Variants in OCM2 observed in about 807,000 individuals in gnomAD.
The protein encoded by OCM2 is oncomodulin-2.
A neutral mutation model predicts 13.6 loss-of-function variants in OCM2; 6 were observed. That is an observed-to-expected ratio of 0.44 (90% CI 0.24 to 0.87). The LOEUF (loss-of-function observed/expected upper bound fraction) is 0.87, where lower values mean the gene tolerates loss of function less well. Among genes scored for constraint, OCM2 ranks in the 40% least tolerant of loss-of-function variants. OCM2 has a pLI of 0.22. For missense variants in OCM2, 118 were observed against 136.8 expected (o/e 0.86, Z 0.68); for synonymous variants, 40 against 50.7 (o/e 0.79, Z 0.90).
At chr7:97,990,138 G>A (rs780846926) in exon 1 of OCM2, 50 of 1,604,032 alleles carry the variant, frequency 3.1e-5, no homozygotes, top group Middle Eastern at 1.7e-4. Flanking sequence ...AACGAGAGGC[G>A]ATAAGCCACA....
At chr7:97,990,015 A>AGGG in intron 1 of OCM2, 29 bp downstream of exon 1, 19 of 780,782 alleles carry the variant, frequency 2.4e-5, no homozygotes, top group Non-Finnish European at 3.9e-5. Context: ...CTGTGAGGAA[A>AGGG]TCCCACCCCC....
chr7:97,988,831 G>A (rs10248044), intron 1 of OCM2, among the ~76,000 whole-genome samples: 14,310 of 151,872 alleles, frequency 0.094, 734 homozygotes, highest in South Asian at 0.14. Flanking sequence ...CCACTTTACA[G>A]GCTGTGTGGC....
chr7:97,985,784 T>C (rs1264389130), intron 3 of OCM2, among the ~76,000 whole-genome samples: 2 of 152,210 alleles, frequency 1.3e-5, no homozygotes, highest in African/African-American at 4.8e-5. Context: ...AAAGTTTCTG[T>C]TACTAAAAGA....
rs1347177083 is a variant in OCM2, at chr7:97,987,103, G to T, written c.248C>A (p.Thr83Asn). 6 of 1,613,750 alleles carry T rather than the reference G, an allele frequency of 3.7e-6. No individual in the cohort carries two copies. The African/African-American group carries it at 8.0e-5, about 22-fold the overall frequency. ...ATCCGCCGCAGCCATCAAGGACTTG[G>T]TTTCTGACTCGGTCAGTTCTCTGGC... The change falls in exon 3 of 4, where the codon ACC becomes AAC. Residue 83 changes from threonine (T) to asparagine (N), a missense_variant. Thr to Asn is a moderately conservative substitution (Grantham distance 65). Transcript: ENST00000257627.
exon 1 of OCM2, chr7:97,990,103 A>G: frequency 1.9e-6 from 3 of 1,610,516 alleles, no homozygotes; most frequent in South Asian, 1.1e-5. Context: ...CGTGATGCTC[A>G]TTTTCTACCT....
intron 2 of OCM2, among the ~76,000 whole-genome samples, chr7:97,987,619 G>T (rs1758714409): frequency 6.6e-6 from 1 of 152,028 alleles, no homozygotes; most frequent in South Asian, 2.1e-4. Context: ...CTCCCAAAGG[G>T]CTGGGATTGT....
intron 3 of OCM2, among the ~76,000 whole-genome samples, chr7:97,985,398 G>A (rs1472462200): frequency 1.3e-4 from 17 of 135,154 alleles, no homozygotes; most frequent in African/African-American, 3.9e-4. Context: ...TAGCCTGGGC[G>A]AGAGAGCCAG....
intron 1 of OCM2, 25 bp downstream of exon 1, chr7:97,990,013 AAATCCC>A: frequency 4.0e-6 from 6 of 1,505,134 alleles, no homozygotes; most frequent in Non-Finnish European, 5.5e-6. Flanking sequence ...AGCTGTGAGG[AAATCCC>A]ACCCCCGCCC....
intron 2 of OCM2, among the ~76,000 whole-genome samples, chr7:97,988,008 T>C (rs1306657314): frequency 2.0e-5 from 3 of 152,004 alleles, no homozygotes; most frequent in Admixed American, 6.6e-5. Flanking sequence ...CCTGGCAACA[T>C]GGTGAAACCC....
chr7:97,989,586 G>A (rs1052843582), intron 1 of OCM2, among the ~76,000 whole-genome samples: 1 of 151,738 alleles, frequency 6.6e-6, no homozygotes, highest in African/African-American at 2.4e-5. Context: ...TTATTGTTAT[G>A]TTGTAGAGAT....
intron 1 of OCM2, 28 bp downstream of exon 1, chr7:97,990,016 T>TGGCGCCCC: frequency 4.9e-5 from 53 of 1,083,816 alleles, no homozygotes; most frequent in Non-Finnish European, 6.7e-5. Context: ...TGTGAGGAAA[T>TGGCGCCCC]CCCACCCCCG....
chr7:97,984,967 C>A (rs764484085), exon 4 of OCM2: 1 of 1,614,072 alleles, frequency 6.2e-7, no homozygotes, highest in Non-Finnish European at 8.5e-7. Flanking sequence ...TTTAAGAATG[C>A]ACCATTTCCT....
intron 1 of OCM2, among the ~76,000 whole-genome samples, chr7:97,989,824 A>AT (rs1794714252): frequency 6.6e-6 from 1 of 150,974 alleles, no homozygotes; most frequent in Non-Finnish European, 1.5e-5. Flanking sequence ...CGCCTGGCTA[A>AT]TTTTTTTGTA....
chr7:97,984,929 TTCTC>T lies in OCM2; in HGVS notation c.*25_*28del, dbSNP rs1794655156. 16 of 1,604,514 alleles carry T rather than the reference TTCTC, an allele frequency of 1.0e-5. No individual in the cohort carries two copies. In the East Asian group the frequency reaches 3.3e-4, roughly 34 times the overall value. Reference sequence around the variant, plus strand: ...GGAATCCTTCCAGGTGATTATCCCTTTCTCTCTTTTCTCCAGAGACTGGGGCTTT... The same window carrying T: ...GGAATCCTTCCAGGTGATTATCCCTTTCTTTTCTCCAGAGACTGGGGCTTT... On this transcript the variant is annotated 3_prime_UTR_variant, in exon 4 of 4. Coordinates refer to ENST00000257627, the Ensembl canonical transcript of OCM2.
intron 1 of OCM2, 28 bp downstream of exon 1, chr7:97,990,016 T>TGGCCCCCCCCC: frequency 3.7e-6 from 4 of 1,083,840 alleles, no homozygotes; most frequent in Non-Finnish European, 5.6e-6. Context: ...TGTGAGGAAA[T>TGGCCCCCCCCC]CCCACCCCCG....
At chr7:97,987,292 T>C (rs1190403407) in intron 2 of OCM2, 136 bp from the exon 3 acceptor site, 95 of 967,204 alleles carry the variant, frequency 9.8e-5, no homozygotes, top group Non-Finnish European at 1.3e-4. Flanking sequence ...CAAGCAAAGG[T>C]TTCCTTAAGC....
chr7:97,987,963 A>G (rs999629776), intron 2 of OCM2, among the ~76,000 whole-genome samples: 3 of 152,132 alleles, frequency 2.0e-5, no homozygotes, highest in Non-Finnish European at 2.9e-5. Context: ...AGGCCAAGGC[A>G]GGAGGATCAC....
At chr7:97,989,950 G>A (rs754213822) in intron 1 of OCM2, 94 bp downstream of exon 1, 22 of 1,314,320 alleles carry the variant, frequency 1.7e-5, no homozygotes, top group South Asian at 2.5e-5. Flanking sequence ...GAGCCACTGC[G>A]TCTGGCCGCC....
At chr7:97,990,019 C>CTTGGG in intron 1 of OCM2, 25 bp downstream of exon 1, 2 of 1,130,650 alleles carry the variant, frequency 1.8e-6, no homozygotes, top group South Asian at 1.2e-5. Context: ...GAGGAAATCC[C>CTTGGG]ACCCCCGCCC....
Sources: allele counts gnomAD v4.1 joint callset (sites outside exome capture counted in the v4.1 genomes callset), GRCh38; gene constraint gnomAD v4.1.1; transcripts MANE v1.5; gene names NCBI Gene and HGNC (gene_info 2026-07-23, HGNC 2026-07-21).